The following DNAH17 variants were observed in gnomAD, a reference collection of about 807,000 sequenced individuals.
DNAH17 encodes dynein axonemal heavy chain 17, also known as axonemal beta dynein heavy chain 17.
DNAH17 carries 376 observed loss-of-function variants against 485.6 expected under a neutral mutation model. That is an observed-to-expected ratio of 0.77 (90% CI 0.71 to 0.84). DNAH17 has a LOEUF of 0.84. DNAH17 is among the 40% of genes least tolerant of loss of function. DNAH17 has a pLI of 0.00. For synonymous variants in DNAH17, 3,031 were observed against 2,405.9 expected, an observed-to-expected ratio of 1.26 and a Z score of -7.60; for missense variants, 6,370 against 5,839.3, an observed-to-expected ratio of 1.09 and a Z score of -2.96.
At chr17:78,438,718 C>T (rs994393698) in intron 73 of DNAH17, among the ~76,000 whole-genome samples, 3 of 151,848 alleles carry the variant, frequency 2.0e-5, no homozygotes, top group Non-Finnish European at 4.4e-5. Flanking sequence ...AGGCTGGTCT[C>T]GAACTCCTGA....
At chr17:78,546,958 C>A (rs531502295) in intron 16 of DNAH17, among the ~76,000 whole-genome samples, 6 of 152,148 alleles carry the variant, frequency 3.9e-5, no homozygotes, top group African/African-American at 1.2e-4. Flanking sequence ...TTTAGGAATT[C>A]AGGATATGGT....
chr17:78,561,221 T>A (rs990267759), intron 12 of DNAH17, among the ~76,000 whole-genome samples: 3 of 151,602 alleles, frequency 2.0e-5, no homozygotes, highest in Non-Finnish European at 4.4e-5. Context: ...CCTCTCCAAC[T>A]TTCCTTCTCC....
intron 24 of DNAH17, 133 bp downstream of exon 24, chr17:78,526,518 G>C (rs1422092283): frequency 1.4e-6 from 1 of 705,810 alleles, no homozygotes; most frequent in Non-Finnish European, 2.3e-6. Flanking sequence ...ATACACATAA[G>C]AGCACTCGTG....
chr17:78,444,678 C>A lies in DNAH17; in HGVS notation c.11454G>T (p.Trp3818Cys). Residue 3818 changes from tryptophan (W) to cysteine (C), a missense_variant, in exon 71 of 81, where the codon TGG (tryptophan) becomes TGT (cysteine). Trp to Cys is a radical substitution (Grantham distance 215). Transcript: ENST00000389840. ...APEKEIFPKE[W>C]KNKTALQKLC... ...GCTTCTGCAGGGCCGTCTTGTTCTT[C>A]CACTCCTTGGGGAAGATCTCCTTCT... 6.2e-7 allele frequency: 1 copy of A among 1,611,060 alleles called. No individual in the cohort carries two copies. The highest frequency in any genetic ancestry group is 1.1e-5 in the South Asian group (1 of 90,510).
Position 78,507,460 on chromosome 17 carries a change from T to C in DNAH17, c.4582A>G (p.Lys1528Glu). 6.2e-7 allele frequency: 1 copy of C among 1,612,350 alleles called. No individual in the cohort carries two copies. Among genetic ancestry groups the C allele is most frequent in the Non-Finnish European group, 8.5e-7 (1 of 1,178,394 alleles). Residue 1528 changes from lysine to glutamate, a missense_variant and splice_region_variant, in exon 28 of 81, where the codon AAG becomes GAG. Coordinates refer to ENST00000389840, the MANE Select transcript of DNAH17 (RefSeq NM_173628.4). ...QRFDDINQEF[K>E]ALMEDAVKTP... Reference sequence around the variant, plus strand: ...GGGAACCACCGGGCTGTGCTCACCTTGAATTCCTGGTTGATGTCGTCAAAG... The same window carrying C: ...GGGAACCACCGGGCTGTGCTCACCTCGAATTCCTGGTTGATGTCGTCAAAG...
At chr17:78,537,811 A>G (rs2091417719) in intron 18 of DNAH17, among the ~76,000 whole-genome samples, 1 of 152,150 alleles carries the variant, frequency 6.6e-6, no homozygotes, top group Admixed American at 6.5e-5. Context: ...AGTTTCCCCA[A>G]ATATATAAAA....
In DNAH17 at chr17:78,463,621, C is replaced by A. The variant is rs117928862; in HGVS notation, c.8941-544G>T. On this transcript the variant is annotated intron_variant, in intron 56 of 80. Coordinates refer to ENST00000389840, the MANE Select transcript of DNAH17 (RefSeq NM_173628.4). ...ATGCACGTGCATGTGCATTCACATACCTGCATACCTGAAAAAGTACAAGGC... is the reference window on the plus strand; with the variant it reads ...ATGCACGTGCATGTGCATTCACATAACTGCATACCTGAAAAAGTACAAGGC... 6.7e-3 allele frequency among the ~76,000 whole-genome samples: 1,020 copies of A among 152,332 alleles called. 10 individuals are homozygous for A. The highest frequency in any genetic ancestry group is 0.01 in the Admixed American group (160 of 15,292).
rs1216495740 is a variant in DNAH17 at position 78,426,523 on chromosome 17, C to G, written c.12849G>C (p.Val4283=). The G allele has an allele frequency of 1.9e-6, 3 of 1,613,646 alleles. No homozygotes were observed. Among genetic ancestry groups the G allele is most frequent in the African/African-American group, 1.3e-5 (1 of 74,940 alleles). ...LFYDTVPDTW[V]ARAYPSMMGL... is the part of the protein sequence containing the mutation. ...CCATCATGGAGGGGTAGGCCCGGGC[C>G]ACCCACGTATCAGGCACGGTGTCAT... is the stretch of plus-strand genomic sequence containing the variant. Residue 4283 remains valine (V), a synonymous_variant, in exon 79 of 81, where the codon GTG becomes GTC. Transcript: ENST00000389840.
chr17:78,469,597 A>G (rs1438317575), intron 54 of DNAH17, among the ~76,000 whole-genome samples: 1 of 152,218 alleles, frequency 6.6e-6, no homozygotes, highest in Non-Finnish European at 1.5e-5. Context: ...GGAAAAGAAT[A>G]AAAGAAGGGT....
intron 9 of DNAH17, among the ~76,000 whole-genome samples, chr17:78,567,466 C>T (rs1450756389): frequency 3.9e-5 from 6 of 152,114 alleles, no homozygotes; most frequent in East Asian, 3.8e-4. Flanking sequence ...CTGGCCAAAC[C>T]GCATCTCTAA....
intron 9 of DNAH17, 24 bp from the exon 10 acceptor site, chr17:78,567,190 C>T: frequency 1.3e-6 from 2 of 1,576,478 alleles, no homozygotes; most frequent in Non-Finnish European, 1.7e-6. Context: ...AAAACACAGT[C>T]AATTCATCTT....
At chr17:78,454,379 G>A (rs2146506217) in intron 64 of DNAH17, 91 bp downstream of exon 64, 4 of 973,712 alleles carry the variant, frequency 4.1e-6, no homozygotes, top group Non-Finnish European at 3.1e-6. Context: ...TGTATTGAAA[G>A]ACCCACCCAT....
chr17:78,445,458 C>T lies in DNAH17; in HGVS notation c.11334+100G>A. 2.1e-6 allele frequency: 3 copies of T among 1,460,512 alleles called. No individual in the cohort carries two copies. The South Asian group carries it at 4.1e-5, about 20-fold the overall frequency. The allele number at this position is 1,460,512 out of a possible 1,614,324, so 90.5% of individuals were successfully genotyped here. On this transcript the variant is annotated intron_variant, in intron 70 of 80. Coordinates refer to ENST00000389840, the MANE Select transcript of DNAH17 (RefSeq NM_173628.4). ...CTTGCTTTACTGAATTTATGGGCCA[C>T]AGAGCCTGGTATTCTGGCCTTGGAA... is the stretch of plus-strand genomic sequence containing the variant.
chr17:78,490,225 CG>C (rs1434098624), intron 44 of DNAH17: 1 of 155,968 alleles, frequency 6.4e-6, no homozygotes, highest in Non-Finnish European at 1.4e-5. Context: ...AGCGCCTTCC[CG>C]TCAGGAGCAG....
At chr17:78,461,103 G>C (rs1026321595) in intron 58 of DNAH17, among the ~76,000 whole-genome samples, 4 of 151,612 alleles carry the variant, frequency 2.6e-5, no homozygotes, top group Admixed American at 6.6e-5. Context: ...CCCCAGGCCA[G>C]TAACGTCCTA....
At position 78,571,800 on chromosome 17, in the gene DNAH17, G is replaced by A; in HGVS notation, c.540-18C>T. The A allele has an allele frequency of 6.4e-7, 1 of 1,559,586 alleles. No individual in the cohort carries two copies. Among genetic ancestry groups the A allele is most frequent in the South Asian group, 1.2e-5 (1 of 81,238 alleles). ...AGGGGATCCTGCCCAGTGGAAGGTT[G>A]GGGCATTGCTCTCATGGCGACACAC... On this transcript the variant is annotated intron_variant, in intron 3 of 80. Coordinates refer to ENST00000389840, the MANE Select transcript of DNAH17 (RefSeq NM_173628.4).
In DNAH17 at chr17:78,495,908, G is replaced by T; in HGVS notation, c.5870C>A (p.Ala1957Glu). The T allele has an allele frequency of 6.2e-7, 1 of 1,613,840 alleles. No individual in the cohort carries two copies. Among genetic ancestry groups the T allele is most frequent in the Non-Finnish European group, 8.5e-7 (1 of 1,179,820 alleles). ...GGCTTTTAGGTTCTCAGGCAGCTCC[G>T]CGCGTCCGGCGTACCCAGGGTTCAT... The part of the protein sequence containing the change: ...ITMNPGYAGR[A>E]ELPENLKALF... The change falls in exon 38 of 81, where the codon GCG becomes GAG. Residue 1957 changes from alanine (A) to glutamate (E), a missense_variant. Ala to Glu is a moderately radical substitution (Grantham distance 107, BLOSUM62 -1). Coordinates refer to ENST00000389840, the MANE Select transcript of DNAH17 (RefSeq NM_173628.4).
chr17:78,560,266 G>A (rs878952157), intron 13 of DNAH17, among the ~76,000 whole-genome samples: 2 of 152,176 alleles, frequency 1.3e-5, no homozygotes, highest in African/African-American at 4.8e-5. Flanking sequence ...GATTTCCAAG[G>A]AAGAGCCGCA....
chr17:78,469,436 C>T (rs546969604), intron 54 of DNAH17, among the ~76,000 whole-genome samples: 12 of 152,280 alleles, frequency 7.9e-5, no homozygotes, highest in Admixed American at 2.0e-4. Flanking sequence ...CCACTGTGCC[C>T]GGCCCACAGG....
Sources: allele counts gnomAD v4.1 joint callset (sites outside exome capture counted in the v4.1 genomes callset), GRCh38; gene constraint gnomAD v4.1.1; transcripts MANE v1.5; gene names NCBI Gene and HGNC (gene_info 2026-07-23, HGNC 2026-07-21).